The following C2orf92 variants were observed in gnomAD, a reference collection of about 807,000 sequenced individuals.
C2orf92 encodes the protein uncharacterized protein C2orf92.
At chr2:97,674,224 G>A (rs1675503942) in intron 1 of C2orf92, 1 of 341,526 alleles carries the variant, frequency 2.9e-6, no homozygotes, top group Non-Finnish European at 5.3e-6. Context: ...CATGAGATTT[G>A]GGGTCATATA....
At chr2:97,697,012 G>A (rs968321763) in intron 5 of C2orf92, among the ~76,000 whole-genome samples, 1 of 152,140 alleles carries the variant, frequency 6.6e-6, no homozygotes, top group African/African-American at 2.4e-5. Flanking sequence ...ACTTTTTCTT[G>A]AGCACAAAGT....
chr2:97,700,563 C>G (rs1262094899), intron 6 of C2orf92, among the ~76,000 whole-genome samples: 2 of 152,034 alleles, frequency 1.3e-5, no homozygotes, highest in Non-Finnish European at 2.9e-5. Context: ...TTTCTGGCTG[C>G]TTTGTTGCAT....
At chr2:97,695,317 T>C (rs1369237953) in intron 5 of C2orf92, among the ~76,000 whole-genome samples, 1 of 152,232 alleles carries the variant, frequency 6.6e-6, no homozygotes, top group African/African-American at 2.4e-5. Context: ...CTTTGGTCCA[T>C]TGTGAGTTAA....
intron 4 of C2orf92, 36 bp downstream of exon 4, chr2:97,689,029 T>C (rs1676050260): frequency 5.0e-6 from 2 of 398,534 alleles, no homozygotes; most frequent in Admixed American, 4.4e-5. Flanking sequence ...AGTGCACACA[T>C]TTCTATAGGC....
At chr2:97,690,042 C>T (rs879867743) in intron 4 of C2orf92, among the ~76,000 whole-genome samples, 1 of 151,810 alleles carries the variant, frequency 6.6e-6, no homozygotes, top group African/African-American at 2.4e-5. Context: ...GAGACATGAG[C>T]ATCACTTGGA....
intron 3 of C2orf92, among the ~76,000 whole-genome samples, chr2:97,685,150 C>T (rs1388554157): frequency 6.6e-6 from 1 of 151,856 alleles, no homozygotes; most frequent in African/African-American, 2.4e-5. Context: ...AGGATGGTCT[C>T]GATCTCCTGA....
chr2:97,681,866 A>C (rs1489008294), intron 3 of C2orf92, among the ~76,000 whole-genome samples: 1 of 151,614 alleles, frequency 6.6e-6, no homozygotes, highest in East Asian at 1.9e-4. Flanking sequence ...CAAAAAAAAA[A>C]GGGGGGGGAT....
At chr2:97,696,504 G>T (rs984190295) in intron 5 of C2orf92, among the ~76,000 whole-genome samples, 1 of 152,020 alleles carries the variant, frequency 6.6e-6, no homozygotes, top group Non-Finnish European at 1.5e-5. Flanking sequence ...GGGAGGCCGA[G>T]GCAGGTGGAT....
In C2orf92 at chr2:97,674,532, C is replaced by T; in HGVS notation, c.123C>T (p.Ser41=). The change falls in exon 2 of 8, where the codon TCC becomes TCT. Residue 41 remains serine (S), a synonymous_variant. Coordinates refer to ENST00000627399, the MANE Select transcript of C2orf92 (RefSeq NM_001351368.2). ...ATGAAACAAGAACAGCAGTCAGATCCATTACAAAGAGAGACACACAAAAAA... is the reference window on the plus strand; with the variant it reads ...ATGAAACAAGAACAGCAGTCAGATCTATTACAAAGAGAGACACACAAAAAA... ...SFDETRTAVR[S]ITKRDTQKSY... 1 of 398,606 alleles carries T rather than the reference C, an allele frequency of 2.5e-6. No homozygotes were observed. The highest frequency in any genetic ancestry group is 3.6e-5 in the East Asian group (1 of 28,088). The allele number at this position is 398,606 out of a possible 1,614,324, so 24.7% of individuals were successfully genotyped here. A position where few individuals can be genotyped will look rare whatever the true frequency, so the allele number is the denominator to read the frequency against.
At chr2:97,672,951 A>G (rs1379423340) in intron 1 of C2orf92, among the ~76,000 whole-genome samples, 4 of 152,168 alleles carry the variant, frequency 2.6e-5, no homozygotes, top group East Asian at 3.9e-4. Context: ...AAAGCCTGGA[A>G]GGGAAAGTAA....
chr2:97,694,327 C>T (rs1212151033), intron 5 of C2orf92: 1 of 151,622 alleles, frequency 6.6e-6, no homozygotes, highest in Non-Finnish European at 1.5e-5. Flanking sequence ...GCAACCTCCT[C>T]CTCCTGGGTT....
intron 3 of C2orf92, among the ~76,000 whole-genome samples, chr2:97,684,324 C>T (rs1363910560): frequency 6.6e-6 from 1 of 152,216 alleles, no homozygotes; most frequent in African/African-American, 2.4e-5. Context: ...CATGAGCCAC[C>T]GTGCCCGGCC....
intron 1 of C2orf92, chr2:97,670,564 A>G (rs539761706): frequency 1.3e-5 from 2 of 151,620 alleles, no homozygotes; most frequent in South Asian, 2.1e-4. Context: ...TTATTTTTCT[A>G]TTTATTGTTA....
chr2:97,699,052 A>G lies in C2orf92; in HGVS notation c.430A>G (p.Lys144Glu), dbSNP rs138016425. The change falls in exon 6 of 8, where the codon AAA (lysine) becomes GAA (glutamate). Residue 144 changes from lysine to glutamate, a missense_variant. Transcript: ENST00000627399. ...TCACCTTTCAGAGGAGAAGAATTTT[A>G]AAGAATCCTGTCTGTTCGACAGGGA... Reference protein sequence around the residue: ...KDHLSEEKNFKESCLFDRDLR... With the variant: ...KDHLSEEKNFEESCLFDRDLR... 49 of 398,482 alleles carry G rather than the reference A, an allele frequency of 1.2e-4. No homozygotes were observed. The highest frequency in any genetic ancestry group is 9.3e-4 in the African/African-American group (45 of 48,640). The allele number at this position is 398,482 out of a possible 1,614,324, so 24.7% of individuals were successfully genotyped here. A position where few individuals can be genotyped will look rare whatever the true frequency, so the allele number is the denominator to read the frequency against.
rs1553564335 is a variant in C2orf92, at chr2:97,674,533, A to G, written c.124A>G (p.Ile42Val). The G allele has an allele frequency of 2.5e-6, 1 of 398,560 alleles. No homozygotes were observed. Among genetic ancestry groups the G allele is most frequent in the Non-Finnish European group, 4.4e-6 (1 of 226,074 alleles). The allele number at this position is 398,560 out of a possible 1,614,324, so 24.7% of individuals were successfully genotyped here. ...TGAAACAAGAACAGCAGTCAGATCC[A>G]TTACAAAGAGAGACACACAAAAAAG... is the stretch of plus-strand genomic sequence containing the variant. The part of the protein sequence containing the change: ...FDETRTAVRS[I>V]TKRDTQKSYS... Residue 42 changes from isoleucine (I) to valine (V), a missense_variant, in exon 2 of 8, where the codon ATT (isoleucine) becomes GTT (valine). Coordinates refer to ENST00000627399, the MANE Select transcript of C2orf92 (RefSeq NM_001351368.2).
intron 3 of C2orf92, among the ~76,000 whole-genome samples, chr2:97,685,338 T>C (rs980370627): frequency 6.7e-6 from 1 of 150,222 alleles, no homozygotes; most frequent in Non-Finnish European, 1.5e-5. Flanking sequence ...TGATCTCGGC[T>C]CACTGCAAAC....
At chr2:97,700,791 T>G (rs549765869) in intron 6 of C2orf92, among the ~76,000 whole-genome samples, 1,531 of 151,904 alleles carry the variant, frequency 0.01, 13 homozygotes, top group Non-Finnish European at 0.014. Flanking sequence ...TGGTGCGATC[T>G]CAGCTCACGC....
intron 3 of C2orf92, among the ~76,000 whole-genome samples, chr2:97,685,139 C>CAGG (rs1407618211): frequency 1.3e-5 from 2 of 151,882 alleles, no homozygotes; most frequent in Non-Finnish European, 2.9e-5. Flanking sequence ...CTGTGTTAGC[C>CAGG]AGGATGGTCT....
chr2:97,698,467 T>C (rs574224724), intron 5 of C2orf92, among the ~76,000 whole-genome samples: 12 of 152,250 alleles, frequency 7.9e-5, no homozygotes, highest in African/African-American at 2.7e-4. Flanking sequence ...TATTTCAGTG[T>C]GGTTAATTTT....
Sources: gnomAD v4.1 joint callset for allele counts (sites outside exome capture counted in the v4.1 genomes callset) on GRCh38, gnomAD v4.1.1 for gene constraint, MANE v1.5 for transcripts, NCBI Gene and HGNC (gene_info 2026-07-23, HGNC 2026-07-21) for gene names.